The following PARD3B variants were observed in gnomAD, a reference collection of about 807,000 sequenced individuals.
PARD3B encodes partitioning defective 3 homolog B.
PARD3B carries 103 observed loss-of-function variants against 130.2 expected under a neutral mutation model. That is an observed-to-expected ratio of 0.79 (90% CI 0.67 to 0.93). The LOEUF (loss-of-function observed/expected upper bound fraction) is 0.93. Ranked by LOEUF, PARD3B falls within the 40% of genes least tolerant of loss-of-function variation. The pLI is 0.00. For synonymous variants in PARD3B, 583 were observed against 553.2 expected (o/e 1.05, Z -0.76); for missense variants, 1,609 against 1,499.2 (o/e 1.07, Z -1.21).
chr2:205,005,970 T>TC (rs1428549626), intron 3 of PARD3B, among the ~76,000 whole-genome samples: 1 of 152,056 alleles, frequency 6.6e-6, no homozygotes, highest in African/African-American at 2.4e-5. Flanking sequence ...CCTCCTAACT[T>TC]CCCCGCACTG....
Position 205,116,193 on chromosome 2 carries a change from A to G in PARD3B, c.680+2616A>G, listed in dbSNP as rs1704013652. ...TAAAATGCAACTTAATTTTATTCAG[A>G]TTTTTAAAATCAATGTGGTTTTTGT... On this transcript the variant is annotated intron_variant, in intron 6 of 22. Transcript: ENST00000406610. This position sits in a 1 kb window ranked among gnomAD's most constrained non-coding sequence, Gnocchi z 4.5. 1.3e-5 allele frequency among the ~76,000 whole-genome samples: 2 copies of G among 152,188 alleles called. No homozygotes were observed. The highest frequency in any genetic ancestry group is 4.1e-4 in the South Asian group (2 of 4,836).
intron 3 of PARD3B, among the ~76,000 whole-genome samples, chr2:205,027,044 G>T (rs556180382): frequency 1.3e-5 from 2 of 152,078 alleles, no homozygotes; most frequent in Non-Finnish European, 2.9e-5. Context: ...AATTCCTTTG[G>T]ATATATGACC....
chr2:205,413,268 T>C (rs2046662122), intron 19 of PARD3B, among the ~76,000 whole-genome samples: 1 of 152,200 alleles, frequency 6.6e-6, no homozygotes, highest in Non-Finnish European at 1.5e-5. Flanking sequence ...TAGATACACA[T>C]TGTCATTATT....
At chr2:205,273,691 C>A (rs998182128) in intron 16 of PARD3B, among the ~76,000 whole-genome samples, 2 of 152,190 alleles carry the variant, frequency 1.3e-5, no homozygotes, top group African/African-American at 4.8e-5. Context: ...ATGGAAGACA[C>A]TCTATTTGTT....
Position 205,584,840 on chromosome 2 carries a change from G to A in PARD3B, c.3261-30616G>A, listed in dbSNP as rs73060194. On this transcript the variant is annotated intron_variant, in intron 22 of 22. Coordinates refer to ENST00000406610, the MANE Select transcript of PARD3B (RefSeq NM_001302769.2). The surrounding 1 kb of genome is among the most constrained non-coding windows in gnomAD (Gnocchi z 5.5). Reference sequence around the variant, plus strand: ...TGAAAGTTTGAAGAGCTCATGTTCAGCCTGAGCCTTCTTTTTTGGAAAACA... The same window carrying A: ...TGAAAGTTTGAAGAGCTCATGTTCAACCTGAGCCTTCTTTTTTGGAAAACA... 0.027 allele frequency among the ~76,000 whole-genome samples: 4,114 copies of A among 152,230 alleles called. 180 individuals are homozygous for A. The highest frequency in any genetic ancestry group is 0.093 in the African/African-American group (3,875 of 41,516).
At position 205,029,393 on chromosome 2, in the gene PARD3B, C is replaced by T. The variant is rs968956395; in HGVS notation, c.395-18188C>T. Among the ~76,000 whole-genome samples the T allele has an allele frequency of 3.9e-5, 6 of 152,086 alleles. No homozygotes were observed. In the East Asian group the frequency reaches 1.2e-3, roughly 29 times the overall value. On this transcript the variant is annotated intron_variant, in intron 3 of 22. Coordinates refer to ENST00000406610, the MANE Select transcript of PARD3B (RefSeq NM_001302769.2). ...TACCACTTCCTTTGCTCTACCTCAT[C>T]CTATAAGTGTCTTTCCCCTATGGGC...
At chr2:204,961,406 A>C (rs554245078) in intron 2 of PARD3B, among the ~76,000 whole-genome samples, 1 of 152,240 alleles carries the variant, frequency 6.6e-6, no homozygotes, top group Admixed American at 6.5e-5. Context: ...GATTGCTACA[A>C]GGTGTTTGGC....
chr2:205,441,859 T>C (rs1418029764), intron 20 of PARD3B, among the ~76,000 whole-genome samples: 1 of 152,186 alleles, frequency 6.6e-6, no homozygotes, highest in Non-Finnish European at 1.5e-5. Flanking sequence ...TTGATAATAT[T>C]AAAGAAAGAT....
At chr2:205,498,294 G>T (rs1027269436) in intron 20 of PARD3B, among the ~76,000 whole-genome samples, 3 of 151,884 alleles carry the variant, frequency 2.0e-5, no homozygotes, top group Admixed American at 6.6e-5. Context: ...CTGAGGTCAG[G>T]AGTTCAAGAC....
intron 14 of PARD3B, among the ~76,000 whole-genome samples, chr2:205,192,170 A>G (rs1259320380): frequency 6.6e-6 from 1 of 152,126 alleles, no homozygotes; most frequent in Non-Finnish European, 1.5e-5. Context: ...AAAAGATTAA[A>G]CTTATTTTGG....
intron 2 of PARD3B, among the ~76,000 whole-genome samples, chr2:204,760,941 T>C (rs954974125): frequency 4.6e-5 from 7 of 152,224 alleles, no homozygotes; most frequent in African/African-American, 1.7e-4. Context: ...AAGAGCATCT[T>C]AATAGCTGCC....
rs1689031085 is a variant in PARD3B, at chr2:204,943,007, CACA to C, written c.223-22144_223-22142del. Among the ~76,000 whole-genome samples the C allele has an allele frequency of 6.6e-6, 1 of 151,400 alleles. No homozygotes were observed. Among genetic ancestry groups the C allele is most frequent in the Non-Finnish European group, 1.5e-5 (1 of 68,010 alleles). Reference sequence around the variant, plus strand: ...CAAATTTACCTCCAGAACCAGGCTGCACATGTCCCCCTGAAAAATAAAAATTAA... The same window carrying C: ...CAAATTTACCTCCAGAACCAGGCTGCTGTCCCCCTGAAAAATAAAAATTAA... On this transcript the variant is annotated intron_variant, in intron 2 of 22. Coordinates refer to ENST00000406610, the MANE Select transcript of PARD3B (RefSeq NM_001302769.2). This position sits in a 1 kb window ranked among gnomAD's most constrained non-coding sequence, Gnocchi z 4.2.
intron 2 of PARD3B, among the ~76,000 whole-genome samples, chr2:204,830,517 G>A (rs1187679416): frequency 3.3e-5 from 5 of 152,212 alleles, no homozygotes; most frequent in African/African-American, 1.2e-4. Flanking sequence ...ATATAGTGAA[G>A]AAGATTAATG....
Position 204,595,795 on chromosome 2 carries a change from A to C in PARD3B, c.120+49676A>C, listed in dbSNP as rs1458776427. ...TGCTTTGTTTTACGTTTTGTAATAAATTGAGCCTTGGTCAAAGTTGAAACT... is the reference window on the plus strand; with the variant it reads ...TGCTTTGTTTTACGTTTTGTAATAACTTGAGCCTTGGTCAAAGTTGAAACT... On this transcript the variant is annotated intron_variant, in intron 1 of 22. Coordinates refer to ENST00000406610, the MANE Select transcript of PARD3B (RefSeq NM_001302769.2). Among the ~76,000 whole-genome samples the C allele has an allele frequency of 2.0e-5, 3 of 152,238 alleles. No homozygotes were observed. The East Asian group carries it at 5.8e-4, about 29-fold the overall frequency.
chr2:205,089,447 C>T lies in PARD3B; in HGVS notation c.505-14979C>T, dbSNP rs1489326671. 4.6e-5 allele frequency among the ~76,000 whole-genome samples: 7 copies of T among 152,128 alleles called. 1 individual carries two copies. Among genetic ancestry groups the T allele is most frequent in the Admixed American group, 3.9e-4 (6 of 15,280 alleles). On this transcript the variant is annotated intron_variant, in intron 4 of 22. Coordinates refer to ENST00000406610, the MANE Select transcript of PARD3B (RefSeq NM_001302769.2). ...TGGCCTCCCCGACTCTCTTTTTCTG[C>T]AAGCGCTTAATCCTTGGGCTTACTC...
At chr2:205,454,149 G>A (rs894904484) in intron 20 of PARD3B, among the ~76,000 whole-genome samples, 2 of 152,104 alleles carry the variant, frequency 1.3e-5, no homozygotes, top group African/African-American at 4.8e-5. Flanking sequence ...CTAGATTTGT[G>A]TGGATCTGCC....
At chr2:204,865,658 A>T (rs537539919) in intron 2 of PARD3B, among the ~76,000 whole-genome samples, 113 of 152,276 alleles carry the variant, frequency 7.4e-4, no homozygotes, top group African/African-American at 2.6e-3. Context: ...CAGGTGAGGG[A>T]TAAAAGACTA....
At chr2:205,481,288 C>T (rs903436766) in intron 20 of PARD3B, among the ~76,000 whole-genome samples, 18 of 152,134 alleles carry the variant, frequency 1.2e-4, no homozygotes, top group Middle Eastern at 3.4e-3. Context: ...GTTTAGGGAA[C>T]GATCAGAGCT....
At chr2:204,775,620 A>G (rs1445122212) in intron 2 of PARD3B, among the ~76,000 whole-genome samples, 1 of 152,118 alleles carries the variant, frequency 6.6e-6, no homozygotes, top group Non-Finnish European at 1.5e-5. Context: ...TGATGATCCC[A>G]TTTTCTCTGT....
Sources: gnomAD v4.1 joint callset for allele counts (sites outside exome capture counted in the v4.1 genomes callset) on GRCh38, gnomAD v4.1.1 for gene constraint, Gnocchi (gnomAD v3.1) non-coding constraint, MANE v1.5 for transcripts, NCBI Gene and HGNC (gene_info 2026-07-23, HGNC 2026-07-21) for gene names.